The following CDH13 variants were observed in gnomAD, a reference collection of about 807,000 sequenced individuals.
CDH13 encodes cadherin-13.
In CDH13, 24 loss-of-function variants were observed where a neutral mutation model predicts 63.8. The ratio of observed to expected loss-of-function variants is 0.38; its 90% CI spans 0.27 to 0.53. The LOEUF is 0.53. Ranked by LOEUF, CDH13 falls within the 20% of genes least tolerant of loss-of-function variation. The pLI, the probability that CDH13 is intolerant of heterozygous loss-of-function variation, is 0.85. For synonymous variants in CDH13, 503 were observed against 355.3 expected, an observed-to-expected ratio of 1.42 and a Z score of -4.67; for missense variants, 1,049 against 903.1, an observed-to-expected ratio of 1.16 and a Z score of -2.07.
At chr16:82,852,486 G>T (rs1006871997) in intron 1 of CDH13, among the ~76,000 whole-genome samples, 1 of 152,112 alleles carries the variant, frequency 6.6e-6, no homozygotes, top group African/African-American at 2.4e-5. Flanking sequence ...TATCATGCAG[G>T]ACATTCAGGG....
intron 6 of CDH13, among the ~76,000 whole-genome samples, chr16:83,350,854 C>T (rs984837087): frequency 1.3e-5 from 2 of 152,190 alleles, no homozygotes; most frequent in African/African-American, 2.4e-5. Context: ...CCAGGATCCA[C>T]CTGAGTTCCT....
At chr16:82,761,270 G>A (rs959627225) in intron 1 of CDH13, among the ~76,000 whole-genome samples, 3 of 151,622 alleles carry the variant, frequency 2.0e-5, no homozygotes, top group Admixed American at 6.6e-5. Flanking sequence ...TGCCCTCCTC[G>A]GCCTCCCAAA....
In CDH13 at chr16:82,888,333, G is replaced by A. The variant is rs373419072; in HGVS notation, c.157+29860G>A. ...ATCTGGCTGTGACAGGGAATATTGTGAAGCTGCTGGACTGGGCCTGTGGGT... is the reference window on the plus strand; with the variant it reads ...ATCTGGCTGTGACAGGGAATATTGTAAAGCTGCTGGACTGGGCCTGTGGGT... On this transcript the variant is annotated intron_variant, in intron 2 of 13. Transcript: ENST00000567109. Among the ~76,000 whole-genome samples, 6 of 152,318 alleles carry A rather than the reference G, an allele frequency of 3.9e-5. No homozygotes were observed. In the East Asian group the frequency reaches 7.7e-4, roughly 20 times the overall value.
At chr16:83,618,017 G>A (rs1404577872) in intron 8 of CDH13, among the ~76,000 whole-genome samples, 1 of 152,212 alleles carries the variant, frequency 6.6e-6, no homozygotes, top group African/African-American at 2.4e-5. Flanking sequence ...GTCATCTGCT[G>A]TGGTCCCGCA....
At chr16:82,952,434 C>T (rs1353692418) in intron 2 of CDH13, among the ~76,000 whole-genome samples, 1 of 152,194 alleles carries the variant, frequency 6.6e-6, no homozygotes, top group African/African-American at 2.4e-5. Flanking sequence ...TGTTGGCTAG[C>T]ATTCATGCCC....
At chr16:82,674,348 A>G (rs1913645818) in intron 1 of CDH13, among the ~76,000 whole-genome samples, 2 of 152,194 alleles carry the variant, frequency 1.3e-5, no homozygotes, top group Admixed American at 6.5e-5. Context: ...ATAATATTGT[A>G]ATTGGACCAC....
intron 1 of CDH13, among the ~76,000 whole-genome samples, chr16:82,853,481 T>A (rs1023446270): frequency 6.6e-6 from 1 of 152,192 alleles, no homozygotes; most frequent in Non-Finnish European, 1.5e-5. Flanking sequence ...TTACAATAAT[T>A]AACTCACTTA....
chr16:83,244,560 T>C (rs951807765), intron 5 of CDH13, among the ~76,000 whole-genome samples: 2 of 152,204 alleles, frequency 1.3e-5, no homozygotes, highest in African/African-American at 4.8e-5. Flanking sequence ...TCTTGCAAAC[T>C]GTTGATGAAT....
chr16:83,007,734 G>C (rs143425702), intron 2 of CDH13, among the ~76,000 whole-genome samples: 1 of 151,554 alleles, frequency 6.6e-6, no homozygotes, highest in East Asian at 1.9e-4. Flanking sequence ...TGAGATGGGA[G>C]GATCACTTGA....
chr16:83,510,334 G>GA (rs575302245), intron 7 of CDH13, among the ~76,000 whole-genome samples: 1 of 152,258 alleles, frequency 6.6e-6, no homozygotes, highest in South Asian at 2.1e-4. Context: ...GACATTTTGA[G>GA]AAAACTGATA....
chr16:82,635,204 C>G (rs1908506045), intron 1 of CDH13, among the ~76,000 whole-genome samples: 1 of 152,214 alleles, frequency 6.6e-6, no homozygotes, highest in African/African-American at 2.4e-5. Context: ...GTGCCTGGCA[C>G]ATAGTACTCA....
chr16:83,404,704 C>T (rs575470776), intron 6 of CDH13, among the ~76,000 whole-genome samples: 6 of 152,314 alleles, frequency 3.9e-5, no homozygotes, highest in Non-Finnish European at 5.9e-5. Flanking sequence ...TACCCTTCCC[C>T]AGAACAGCCA....
chr16:82,653,905 A>C (rs901603421), intron 1 of CDH13, among the ~76,000 whole-genome samples: 2 of 152,156 alleles, frequency 1.3e-5, no homozygotes, highest in African/African-American at 4.8e-5. Context: ...AAGGGGACAG[A>C]TACCACAGAG....
intron 3 of CDH13, among the ~76,000 whole-genome samples, chr16:83,085,615 A>G (rs2033542918): frequency 6.6e-6 from 1 of 152,208 alleles, no homozygotes; most frequent in Admixed American, 6.5e-5. Context: ...CTTAGCTGCA[A>G]AGGAGGCTGA....
chr16:82,658,094 C>G (rs1168602088), intron 1 of CDH13, among the ~76,000 whole-genome samples: 1 of 152,160 alleles, frequency 6.6e-6, no homozygotes, highest in Non-Finnish European at 1.5e-5. Context: ...CTGTCTGTTA[C>G]TAGTTTGTTG....
intron 10 of CDH13, among the ~76,000 whole-genome samples, chr16:83,736,413 A>G (rs1911541466): frequency 1.3e-5 from 2 of 152,112 alleles, no homozygotes; most frequent in South Asian, 4.2e-4. Context: ...AATTTACTCA[A>G]TGTGTATGAT....
intron 12 of CDH13, among the ~76,000 whole-genome samples, chr16:83,780,555 TTACA>T (rs1325400944): frequency 3.9e-5 from 6 of 152,212 alleles, no homozygotes; most frequent in Non-Finnish European, 5.9e-5. Context: ...CTGCAGGTTT[TTACA>T]TACATACATT....
chr16:83,646,713 A>AAAAAAAACACC (rs1911848149), intron 8 of CDH13, among the ~76,000 whole-genome samples: 1 of 17,738 alleles, frequency 5.6e-5, no homozygotes, highest in African/African-American at 1.3e-4. Flanking sequence ...AAAAAAAAAA[A>AAAAAAAACACC]CACACACACA....
chr16:83,631,820 G>A (rs1156307038), intron 8 of CDH13, among the ~76,000 whole-genome samples: 2 of 152,232 alleles, frequency 1.3e-5, no homozygotes, highest in Admixed American at 1.3e-4. Context: ...CTTGTAGGTT[G>A]TTGTGGGATA....
Sources: allele counts gnomAD v4.1 joint callset (sites outside exome capture counted in the v4.1 genomes callset), GRCh38; gene constraint gnomAD v4.1.1; transcripts MANE v1.5; gene names NCBI Gene and HGNC (gene_info 2026-07-23, HGNC 2026-07-21).